PRMT3: variants seen among roughly 807,000 people sequenced by gnomAD.
PRMT3 encodes the protein protein arginine methyltransferase 3.
In PRMT3, 62 loss-of-function variants were observed where a neutral mutation model predicts 71.9. The observed-to-expected ratio is 0.86, with a 90% CI of 0.70 to 1.07. PRMT3 has a LOEUF of 1.07. Among genes scored for constraint, PRMT3 ranks in the 50% least tolerant of loss-of-function variants. The pLI is 0.00. For missense variants in PRMT3, 663 were observed against 643.0 expected (o/e 1.03, Z -0.34); for synonymous variants, 213 against 220.4 (o/e 0.97, Z 0.30).
chr11:20,503,510 C>T (rs1851506772), intron 15 of PRMT3, among the ~76,000 whole-genome samples: 1 of 152,136 alleles, frequency 6.6e-6, no homozygotes, highest in Admixed American at 6.5e-5. Context: ...TATGGTCAGT[C>T]CCCAACCGTG....
chr11:20,453,149 A>G (rs966616829), intron 11 of PRMT3, among the ~76,000 whole-genome samples: 4 of 152,002 alleles, frequency 2.6e-5, no homozygotes, highest in African/African-American at 9.7e-5. Context: ...CCTACCATCC[A>G]TGTTCTATGA....
chr11:20,467,267 G>A (rs1418804965), intron 13 of PRMT3, among the ~76,000 whole-genome samples: 2 of 152,166 alleles, frequency 1.3e-5, no homozygotes, highest in Non-Finnish European at 2.9e-5. Context: ...AACAGTCGTT[G>A]AACACTTGAA....
chr11:20,419,145 A>G (rs12362967), intron 9 of PRMT3, among the ~76,000 whole-genome samples: 73,032 of 152,134 alleles, frequency 0.48, 19,928 homozygotes, highest in Non-Finnish European at 0.63. Context: ...TCTTACACCT[A>G]TAGTATGTAA....
chr11:20,469,288 T>C (rs999573461), intron 13 of PRMT3, among the ~76,000 whole-genome samples: 2 of 152,236 alleles, frequency 1.3e-5, no homozygotes, highest in African/African-American at 4.8e-5. Context: ...TCATATGTTT[T>C]ATCTTGTGAG....
chr11:20,400,433 C>A (rs183366200), intron 7 of PRMT3, among the ~76,000 whole-genome samples: 72 of 152,252 alleles, frequency 4.7e-4, no homozygotes, highest in Non-Finnish European at 8.8e-4. Flanking sequence ...GAATTCCTTG[C>A]CACTTTATCT....
intron 12 of PRMT3, 43 bp from the exon 13 acceptor site, chr11:20,464,417 C>A (rs1418761120): frequency 2.8e-6 from 4 of 1,439,464 alleles, no homozygotes; most frequent in Non-Finnish European, 3.7e-6. Context: ...TTTTTTTGGA[C>A]TATTTTTACT....
At chr11:20,423,873 TAAAAAAAAAAAA>T (rs58636447) in intron 9 of PRMT3, among the ~76,000 whole-genome samples, 2,814 of 27,212 alleles carry the variant, frequency 0.1, 156 homozygotes, top group Admixed American at 0.35. Flanking sequence ...GATTCTCTCT[TAAAAAAAAAAAA>T]AAAAAAAAAA....
chr11:20,419,020 T>G (rs1849369353), intron 9 of PRMT3, among the ~76,000 whole-genome samples: 1 of 152,210 alleles, frequency 6.6e-6, no homozygotes, highest in African/African-American at 2.4e-5. Flanking sequence ...TGTGCCTTGG[T>G]GCACACATCT....
At chr11:20,451,923 T>G (rs1850157930) in intron 10 of PRMT3, among the ~76,000 whole-genome samples, 1 of 152,130 alleles carries the variant, frequency 6.6e-6, no homozygotes, top group Non-Finnish European at 1.5e-5. Context: ...TTTACCACAA[T>G]AAACTTTCTG....
rs147518971 is a variant in PRMT3 at position 20,477,318 on chromosome 11, G to A, written c.1347+12772G>A. Among the ~76,000 whole-genome samples the A allele has an allele frequency of 9.7e-4, 147 of 152,250 alleles. 1 individual carries two copies. Among genetic ancestry groups the A allele is most frequent in the African/African-American group, 3.3e-3 (137 of 41,536 alleles). On this transcript the variant is annotated intron_variant, in intron 13 of 15. Transcript: ENST00000331079. ...TGGCCGGGTGTAGCAGCTCACGGCT[G>A]TAATCCCAGCACTTTTGGAGGCTGA...
intron 13 of PRMT3, among the ~76,000 whole-genome samples, chr11:20,471,075 T>C (rs1431753701): frequency 6.6e-6 from 1 of 152,184 alleles, no homozygotes; most frequent in Non-Finnish European, 1.5e-5. Context: ...AATGGTTTTT[T>C]TTCTTGTAAA....
intron 13 of PRMT3, among the ~76,000 whole-genome samples, chr11:20,471,819 C>T (rs1404624525): frequency 6.6e-6 from 1 of 152,148 alleles, no homozygotes; most frequent in South Asian, 2.1e-4. Flanking sequence ...AATATTGATT[C>T]TTTCTATCCC....
chr11:20,499,990 G>A (rs922069981), intron 15 of PRMT3, among the ~76,000 whole-genome samples: 2 of 152,138 alleles, frequency 1.3e-5, no homozygotes, highest in Non-Finnish European at 2.9e-5. Context: ...GAGAAGACCG[G>A]AATTCTAAGT....
intron 7 of PRMT3, among the ~76,000 whole-genome samples, chr11:20,397,956 T>A (rs1429826728): frequency 2.0e-5 from 3 of 150,316 alleles, no homozygotes; most frequent in African/African-American, 7.4e-5. Flanking sequence ...GGAGGATTGC[T>A]TGAGCCCAGG....
intron 15 of PRMT3, among the ~76,000 whole-genome samples, chr11:20,494,962 G>C (rs1408340615): frequency 6.6e-6 from 1 of 152,126 alleles, no homozygotes; most frequent in African/African-American, 2.4e-5. Context: ...AGGCACAGTG[G>C]CTTATGCCTG....
At chr11:20,435,698 A>G (rs920938495) in intron 10 of PRMT3, among the ~76,000 whole-genome samples, 5 of 152,114 alleles carry the variant, frequency 3.3e-5, no homozygotes, top group African/African-American at 1.2e-4. Context: ...ATTTTGGTCT[A>G]TGTGTCTGCT....
intron 6 of PRMT3, 95 bp from the exon 7 acceptor site, chr11:20,397,482 T>C (rs7934372): frequency 0.79 from 982,015 of 1,246,322 alleles, 396,732 homozygotes; most frequent in Non-Finnish European, 0.84. Context: ...CATCACACTG[T>C]ACTCCCTCCC....
At chr11:20,480,395 A>G (rs1191477001) in intron 13 of PRMT3, among the ~76,000 whole-genome samples, 1 of 152,142 alleles carries the variant, frequency 6.6e-6, no homozygotes, top group Admixed American at 6.5e-5. Context: ...TGAAAAGTTG[A>G]CCAAAGCCAA....
intron 15 of PRMT3, among the ~76,000 whole-genome samples, chr11:20,495,279 G>A (rs574508948): frequency 1.3e-5 from 2 of 152,280 alleles, no homozygotes; most frequent in Non-Finnish European, 2.9e-5. Context: ...GCCTTCCAAA[G>A]TGCTGGGATT....
Sources: allele counts gnomAD v4.1 joint callset (sites outside exome capture counted in the v4.1 genomes callset), GRCh38; gene constraint gnomAD v4.1.1; transcripts MANE v1.5; gene names NCBI Gene and HGNC (gene_info 2026-07-23, HGNC 2026-07-21).